The following CLASRP variants were observed in gnomAD, a reference collection of about 807,000 sequenced individuals.
CLASRP encodes CLK4 associating serine/arginine rich protein.
In CLASRP, 52 loss-of-function variants were observed where a neutral mutation model predicts 99.9. That is an observed-to-expected ratio of 0.52 (90% confidence interval 0.42 to 0.66). The LOEUF is 0.66. Ranked by LOEUF, CLASRP falls within the 30% of genes least tolerant of loss-of-function variation. CLASRP has a pLI of 0.00. For synonymous variants in CLASRP, 379 were observed against 373.0 expected (o/e 1.02, Z -0.18); for missense variants, 848 against 999.2 (o/e 0.85, Z 2.04).
In CLASRP at chr19:45,060,666, G is replaced by C. The variant is rs750771920; in HGVS notation, c.863+39G>C. The C allele has an allele frequency of 4.0e-6, 6 of 1,486,586 alleles. No individual in the cohort carries two copies. Among genetic ancestry groups the C allele is most frequent in the Non-Finnish European group, 5.5e-6 (6 of 1,098,340 alleles). 92.1% of individuals were successfully genotyped at this position (1,486,586 alleles called of 1,614,324 possible). On this transcript the variant is annotated intron_variant, in intron 10 of 20. Transcript: ENST00000221455. The surrounding 1 kb of genome is among the most constrained non-coding windows in gnomAD (Gnocchi z 4.6). ...CTGAACCCCCACCCTGCTGGCATCT[G>C]GGGGAGGAGAGCAGGGGCTTAGGGC...
chr19:45,042,770 C>T (rs1971837139), intron 2 of CLASRP, among the ~76,000 whole-genome samples: 1 of 152,080 alleles, frequency 6.6e-6, no homozygotes, highest in African/African-American at 2.4e-5. Context: ...GCATGTGCCA[C>T]TATGCCTGGC....
At chr19:45,047,967 C>G (rs538187625) in intron 2 of CLASRP, among the ~76,000 whole-genome samples, 1 of 151,608 alleles carries the variant, frequency 6.6e-6, no homozygotes, top group African/African-American at 2.4e-5. Flanking sequence ...TGCCTGTACT[C>G]GGGAGGCTGA....
Position 45,067,922 on chromosome 19 carries a change from A to G in CLASRP, c.1668-93A>G, listed in dbSNP as rs1276121044. ...GGCATCTGAGGCCCATGCCTTGGCT[A>G]CCTGGTCTGAGGGCAGTGCTGAGGC... On this transcript the variant is annotated intron_variant, in intron 14 of 20. Coordinates refer to ENST00000221455, the MANE Select transcript of CLASRP (RefSeq NM_007056.3). This position sits in a 1 kb window ranked among gnomAD's most constrained non-coding sequence, Gnocchi z 4.9. 1.0e-6 allele frequency: 1 copy of G among 958,780 alleles called. No individual in the cohort carries two copies. The highest frequency in any genetic ancestry group is 1.6e-5 in the African/African-American group (1 of 62,264). The allele number at this position is 958,780 out of a possible 1,614,324, so 59.4% of individuals were successfully genotyped here.
chr19:45,059,414 G>A, intron 8 of CLASRP, 50 bp downstream of exon 8: 1 of 1,423,706 alleles, frequency 7.0e-7, no homozygotes, highest in Middle Eastern at 1.7e-4. Flanking sequence ...CCCCACCCTG[G>A]CATCTCACTA....
rs1568408971 is a variant in CLASRP, at chr19:45,039,967, A to G, written c.-29-217A>G. On this transcript the variant is annotated intron_variant, in intron 1 of 20. Transcript: ENST00000221455. Reference sequence around the variant, plus strand: ...TCCCAGTGATGCTCACCTCAGAATCACCTGAGGGTTTTTCAGAATGCCCAA... The same window carrying G: ...TCCCAGTGATGCTCACCTCAGAATCGCCTGAGGGTTTTTCAGAATGCCCAA... 3 of 386,778 alleles carry G rather than the reference A, an allele frequency of 7.8e-6. No individual in the cohort carries two copies. The South Asian group carries it at 8.8e-5, about 11-fold the overall frequency. The allele number at this position is 386,778 out of a possible 1,614,324, so 24.0% of individuals were successfully genotyped here.
At chr19:45,053,292 G>A in intron 5 of CLASRP, 115 bp downstream of exon 5, 1 of 978,404 alleles carries the variant, frequency 1.0e-6, no homozygotes, top group Non-Finnish European at 1.6e-6. Context: ...AGGGCCTTGG[G>A]TTCCGGCTCC....
chr19:45,042,544 T>C (rs958927266), intron 2 of CLASRP, among the ~76,000 whole-genome samples: 4 of 151,682 alleles, frequency 2.6e-5, no homozygotes, highest in African/African-American at 9.7e-5. Flanking sequence ...TGTATGTATG[T>C]ATACACACAC....
chr19:45,053,695 G>A (rs917845744), intron 5 of CLASRP, among the ~76,000 whole-genome samples: 9 of 152,124 alleles, frequency 5.9e-5, no homozygotes, highest in African/African-American at 2.2e-4. Flanking sequence ...GGCCAGGCTG[G>A]TCTCGAACTC....
intron 4 of CLASRP, 82 bp from the exon 5 acceptor site, chr19:45,053,016 G>A (rs925112103): frequency 1.0e-5 from 16 of 1,555,698 alleles, no homozygotes; most frequent in Admixed American, 6.8e-5. Context: ...AGCCTGAGGG[G>A]GATGCCTCAT....
intron 2 of CLASRP, among the ~76,000 whole-genome samples, chr19:45,051,610 C>G (rs753331232): frequency 2.4e-4 from 37 of 152,132 alleles, no homozygotes; most frequent in Non-Finnish European, 8.8e-5. Flanking sequence ...CTAGCCAATT[C>G]CCTTATTTCT....
rs776111579 is a variant in CLASRP, at chr19:45,062,186, C to T, written c.896C>T (p.Pro299Leu). Residue 299 changes from proline to leucine, a missense_variant, in exon 11 of 21, where the codon CCC becomes CTC. Pro to Leu is a moderately conservative substitution (Grantham distance 98). Around this residue, in one of 8 missense-constraint regions of CLASRP, gnomAD observed 489 missense variants for 434.7 expected, o/e 1.12. Coordinates refer to ENST00000221455, the MANE Select transcript of CLASRP (RefSeq NM_007056.3). ...YARRDSPTYD[P>L]YKRSPSESSS... The stretch of plus-strand genomic sequence containing the variant: ...CGCCGAGACAGCCCCACCTATGACC[C>T]CTATAAGCGGTAAGTTGCTCTGGAG... 4 of 1,539,482 alleles carry T rather than the reference C, an allele frequency of 2.6e-6. No homozygotes were observed. In the Admixed American group the frequency reaches 5.0e-5, roughly 19 times the overall value.
At chr19:45,057,927 T>C in intron 7 of CLASRP, 29 bp downstream of exon 7, 3 of 1,612,294 alleles carry the variant, frequency 1.9e-6, no homozygotes, top group Non-Finnish European at 2.5e-6. Context: ...CCTCCCCACC[T>C]GCAGTCCCTG....
chr19:45,069,749 T>C, intron 18 of CLASRP: 1 of 489,474 alleles, frequency 2.0e-6, no homozygotes, highest in Non-Finnish European at 3.7e-6. Context: ...CAACACTCAC[T>C]GTGTGCAGGT....
At chr19:45,059,449 C>T in intron 8 of CLASRP, 85 bp downstream of exon 8, 3 of 1,161,084 alleles carry the variant, frequency 2.6e-6, no homozygotes, top group Non-Finnish European at 3.8e-6. Context: ...GACAGCCATC[C>T]TGTTTGTGAG....
chr19:45,070,306 C>T (rs1429255802), intron 19 of CLASRP, among the ~76,000 whole-genome samples: 1 of 150,550 alleles, frequency 6.6e-6, no homozygotes, highest in African/African-American at 2.4e-5. Flanking sequence ...CACATACGTA[C>T]ACACACACAC....
In CLASRP at chr19:45,062,173, C is replaced by A; in HGVS notation, c.883C>A (p.Pro295Thr). ...CTGTAGCTATGCCCGCCGAGACAGC[C>A]CCACCTATGACCCCTATAAGCGGTA... ...SPPSYARRDS[P>T]TYDPYKRSPS... is the part of the protein sequence containing the mutation. The change falls in exon 11 of 21, where the codon CCC becomes ACC. Residue 295 changes from proline to threonine, a missense_variant. By Grantham distance (38) the Pro-to-Thr change is conservative. Around this residue, in one of 8 missense-constraint regions of CLASRP, gnomAD observed 489 missense variants for 434.7 expected, o/e 1.12. Transcript: ENST00000221455. 1 of 1,553,780 alleles carries A rather than the reference C, an allele frequency of 6.4e-7. No individual in the cohort carries two copies. Among genetic ancestry groups the A allele is most frequent in the Non-Finnish European group, 8.9e-7 (1 of 1,125,112 alleles).
At chr19:45,062,288 A>G (rs1966958183) in intron 11 of CLASRP, 93 bp downstream of exon 11, 3 of 803,920 alleles carry the variant, frequency 3.7e-6, no homozygotes, top group Middle Eastern at 2.3e-4. Flanking sequence ...TCACCCTGCT[A>G]GGCCACCCCA....
At chr19:45,070,622 C>T in intron 20 of CLASRP, 61 bp downstream of exon 20, 3 of 1,505,734 alleles carry the variant, frequency 2.0e-6, no homozygotes, top group Non-Finnish European at 2.8e-6. Flanking sequence ...GATGGGAGGT[C>T]CTGGCTGTCA....
intron 2 of CLASRP, among the ~76,000 whole-genome samples, chr19:45,043,233 G>GTGTC (rs1370953622): frequency 6.7e-6 from 1 of 149,344 alleles, no homozygotes; most frequent in Non-Finnish European, 1.5e-5. Context: ...GTGTGTGTGT[G>GTGTC]TGTCCCGTCT....
Sources: allele counts gnomAD v4.1 joint callset (sites outside exome capture counted in the v4.1 genomes callset), GRCh38; gene constraint gnomAD v4.1.1; regional missense constraint gnomAD v4.1.1; non-coding constraint Gnocchi (gnomAD v3.1); transcripts MANE v1.5; gene names NCBI Gene and HGNC (gene_info 2026-07-23, HGNC 2026-07-21).